The following CPS1 variants were observed in gnomAD, a reference collection of about 807,000 sequenced individuals.
CPS1 encodes carbamoyl-phosphate synthase [ammonia], mitochondrial.
A neutral mutation model predicts 174.6 loss-of-function variants in CPS1; 109 were observed. The observed-to-expected ratio is 0.62, with a 90% CI of 0.53 to 0.73. The LOEUF is 0.73. CPS1 is among the 30% of genes least tolerant of loss of function. The probability of loss-of-function intolerance (pLI) is 0.00; values close to 1 mark genes in which losing one functional copy is unlikely to be tolerated. For synonymous variants in CPS1, 637 were observed against 632.0 expected (o/e 1.01, Z -0.12); for missense variants, 1,689 against 1,821.9 (o/e 0.93, Z 1.33).
chr2:210,491,307 G>GTTTTTTTTTTT lies in CPS1; in HGVS notation c.3+13562_3+13572dup, dbSNP rs66825517. 9.7e-4 allele frequency among the ~76,000 whole-genome samples: 49 copies of GTTTTTTTTTTT among 50,354 alleles called. 9 individuals are homozygous for GTTTTTTTTTTT. Among genetic ancestry groups the GTTTTTTTTTTT allele is most frequent in the African/African-American group, 4.6e-3 (46 of 9,982 alleles). The allele number at this position is 50,354 out of a possible 152,430, so 33.0% of individuals were successfully genotyped here. A position where few individuals can be genotyped will look rare whatever the true frequency, so the allele number is the denominator to read the frequency against. ...GTAAAAGCATGTATTTGGTATCTGTGTTTTTTTTTTTTTTTTTTTTTTTTT... is the reference window on the plus strand; with the variant it reads ...GTAAAAGCATGTATTTGGTATCTGTGTTTTTTTTTTTTTTTTTTTTTTTTTTTTTTTTTTTT... On this transcript the variant is annotated intron_variant, in intron 1 of 38. Transcript: ENST00000430249.
At chr2:210,593,648 G>A (rs1251883311) in intron 11 of CPS1, 1 of 985,124 alleles carries the variant, frequency 1.0e-6, no homozygotes, top group Non-Finnish European at 1.2e-6. Context: ...AATCTTCATT[G>A]TCAGAACTCT....
intron 25 of CPS1, among the ~76,000 whole-genome samples, chr2:210,643,004 A>C (rs940934981): frequency 2.0e-5 from 3 of 152,226 alleles, no homozygotes; most frequent in Non-Finnish European, 4.4e-5. Context: ...TATCTTGCAG[A>C]GTGATTGAAT....
At chr2:210,502,954 A>G (rs1695185822) in intron 1 of CPS1, among the ~76,000 whole-genome samples, 1 of 152,178 alleles carries the variant, frequency 6.6e-6, no homozygotes, top group Non-Finnish European at 1.5e-5. Flanking sequence ...CCCTTGTCAT[A>G]GACATTCTGA....
intron 1 of CPS1, among the ~76,000 whole-genome samples, chr2:210,491,406 C>T (rs531761022): frequency 7.1e-6 from 1 of 141,810 alleles, no homozygotes; most frequent in Admixed American, 7.8e-5. Flanking sequence ...CCTCCACCTC[C>T]CGGTTCAAGT....
At chr2:210,627,649 C>T (rs577364683) in intron 21 of CPS1, among the ~76,000 whole-genome samples, 10 of 152,258 alleles carry the variant, frequency 6.6e-5, no homozygotes, top group Non-Finnish European at 1.3e-4. Context: ...AGTAAATACC[C>T]GAGAGCACTC....
chr2:210,497,176 G>A (rs572314700), intron 1 of CPS1, among the ~76,000 whole-genome samples: 72 of 152,150 alleles, frequency 4.7e-4, no homozygotes, highest in African/African-American at 1.4e-3. Flanking sequence ...TTTAAAAAAT[G>A]TATTACTGTT....
chr2:210,582,590 A>C (rs1157206047), intron 5 of CPS1, 27 bp from the exon 6 acceptor site: 1 of 1,556,928 alleles, frequency 6.4e-7, no homozygotes, highest in Admixed American at 1.7e-5. Flanking sequence ...GCTTCCTTTT[A>C]ACTGTCTAAT....
At chr2:210,497,899 T>TATATATATATATATATATAG in intron 1 of CPS1, among the ~76,000 whole-genome samples, 1 of 133,444 alleles carries the variant, frequency 7.5e-6, no homozygotes, top group African/African-American at 2.9e-5. Flanking sequence ...CATACATATA[T>TATATATATATATATATATAG]ATATATATAT....
chr2:210,490,273 C>T (rs1694838675), intron 1 of CPS1, among the ~76,000 whole-genome samples: 1 of 152,072 alleles, frequency 6.6e-6, no homozygotes, highest in African/African-American at 2.4e-5. Flanking sequence ...TATAGGCTTA[C>T]CTCTGACCTA....
intron 1 of CPS1, among the ~76,000 whole-genome samples, chr2:210,566,237 G>A (rs1027750845): frequency 6.6e-6 from 1 of 152,104 alleles, no homozygotes; most frequent in African/African-American, 2.4e-5. Context: ...AATTATCTAT[G>A]TTATCTAGAA....
rs1360543021 is a variant in CPS1, at chr2:210,642,612, CTG to C, written c.3090_3091del (p.Tyr1031LeufsTer2). 6.2e-7 allele frequency: 1 copy of C among 1,613,970 alleles called. No homozygotes were observed. Among genetic ancestry groups the C allele is most frequent in the South Asian group, 1.1e-5 (1 of 91,070 alleles). On this transcript the variant is annotated frameshift_variant, in exon 25 of 38. Coordinates refer to ENST00000233072, the MANE Select transcript of CPS1 (RefSeq NM_001875.5). LOFTEE classifies it high-confidence loss of function. Reference protein sequence around the residue: ...VSTDFDECDKLYFEELSLERI... With the variant: ...VSTDFDECDKXYFEELSLERI... ...CACAGACTTTGATGAGTGTGACAAA[CTG>C]TACTTTGAAGAGTTGTCCTTGGAGA...
intron 1 of CPS1, among the ~76,000 whole-genome samples, chr2:210,523,185 T>C (rs988399995): frequency 2.6e-5 from 4 of 151,974 alleles, no homozygotes; most frequent in African/African-American, 9.7e-5. Flanking sequence ...CTTTATGTTT[T>C]TTCTGGACCT....
chr2:210,662,715 G>C (rs1336928832), intron 32 of CPS1, among the ~76,000 whole-genome samples: 1 of 152,324 alleles, frequency 6.6e-6, no homozygotes, highest in Non-Finnish European at 1.5e-5. Context: ...AAGTTCAAAT[G>C]ATCAGAACAA....
intron 9 of CPS1, among the ~76,000 whole-genome samples, chr2:210,591,401 T>A (rs1698291900): frequency 2.0e-5 from 3 of 152,148 alleles, no homozygotes; most frequent in Admixed American, 1.3e-4. Context: ...ATCAGGCTTT[T>A]TCCCATGGCC....
At chr2:210,511,175 T>C (rs1439100512) in intron 1 of CPS1, among the ~76,000 whole-genome samples, 1 of 152,176 alleles carries the variant, frequency 6.6e-6, no homozygotes, top group East Asian at 1.9e-4. Flanking sequence ...ATGTGGCACA[T>C]ATACACCATG....
intron 1 of CPS1, among the ~76,000 whole-genome samples, chr2:210,545,737 A>G (rs577313681): frequency 1.3e-3 from 201 of 152,144 alleles, no homozygotes; most frequent in Non-Finnish European, 2.4e-3. Context: ...GGATATTTAC[A>G]ATTTTACTCA....
intron 1 of CPS1, among the ~76,000 whole-genome samples, chr2:210,505,272 A>G (rs1695246888): frequency 6.6e-6 from 1 of 151,642 alleles, no homozygotes; most frequent in Non-Finnish European, 1.5e-5. Context: ...AGTTTTTGCC[A>G]TTGAAAGTAG....
chr2:210,491,354 T>G (rs1452029718), intron 1 of CPS1, among the ~76,000 whole-genome samples: 1 of 140,958 alleles, frequency 7.1e-6, no homozygotes, highest in African/African-American at 2.7e-5. Context: ...GGAGTCTTGT[T>G]CTGTTGCCAG....
At chr2:210,660,376 A>G in intron 31 of CPS1, 109 bp from the exon 32 acceptor site, 1 of 1,073,548 alleles carries the variant, frequency 9.3e-7, no homozygotes. Context: ...GCAAAACAAG[A>G]GCTGGTCCCC....
Sources: gnomAD v4.1 joint callset for allele counts (sites outside exome capture counted in the v4.1 genomes callset) on GRCh38, gnomAD v4.1.1 for gene constraint, MANE v1.5 for transcripts, NCBI Gene and HGNC (gene_info 2026-07-23, HGNC 2026-07-21) for gene names.